RAP1GAP2: variants seen among roughly 807,000 people sequenced by gnomAD.
RAP1GAP2 encodes the protein rap1 GTPase-activating protein 2.
RAP1GAP2 carries 27 observed loss-of-function variants against 95.0 expected under a neutral mutation model. That is an observed-to-expected ratio of 0.28 (90% CI 0.21 to 0.39). RAP1GAP2 has a LOEUF of 0.39. Ranked by LOEUF, RAP1GAP2 falls within the 10% of genes least tolerant of loss-of-function variation. The pLI is 1.00. For synonymous variants in RAP1GAP2, 373 were observed against 380.9 expected, an observed-to-expected ratio of 0.98 and a Z score of 0.24; for missense variants, 771 against 970.0, an observed-to-expected ratio of 0.79 and a Z score of 2.72.
chr17:2,869,912 G>C (rs1230770536), intron 2 of RAP1GAP2, among the ~76,000 whole-genome samples: 1 of 152,172 alleles, frequency 6.6e-6, no homozygotes, highest in African/African-American at 2.4e-5. Flanking sequence ...ACGTGGCTCC[G>C]GGCCACGTGA....
intron 2 of RAP1GAP2, among the ~76,000 whole-genome samples, chr17:2,888,817 AT>A (rs58533003): frequency 0.77 from 100,810 of 130,486 alleles, 38,546 homozygotes; most frequent in Admixed American, 0.84. Flanking sequence ...CGCCCAGCTA[AT>A]TTTTTTTTTT....
intron 3 of RAP1GAP2, among the ~76,000 whole-genome samples, chr17:2,950,549 C>T (rs144755692): frequency 1.3e-5 from 2 of 151,842 alleles, no homozygotes; most frequent in Admixed American, 6.6e-5. Context: ...GCACTTCTTA[C>T]GCCTGTTCTC....
intron 11 of RAP1GAP2, 81 bp downstream of exon 11, chr17:2,985,147 G>C: frequency 3.8e-6 from 6 of 1,593,534 alleles, no homozygotes; most frequent in Non-Finnish European, 5.1e-6. Context: ...CAGAACACAG[G>C]AGTCCTGACC....
intron 3 of RAP1GAP2, among the ~76,000 whole-genome samples, chr17:2,918,610 AGGGAGG>A (rs2042650315): frequency 6.6e-6 from 1 of 151,974 alleles, no homozygotes; most frequent in Non-Finnish European, 1.5e-5. Flanking sequence ...CAAGAGAGCA[AGGGAGG>A]GTGCCACACA....
At position 2,965,900 on chromosome 17, in the gene RAP1GAP2, C is replaced by A. The variant is rs183497753; in HGVS notation, c.596+257C>A. On this transcript the variant is annotated intron_variant, in intron 8 of 24. Coordinates refer to ENST00000254695, the MANE Select transcript of RAP1GAP2 (RefSeq NM_015085.5). This position sits in a 1 kb window ranked among gnomAD's most constrained non-coding sequence, Gnocchi z 4.7. The stretch of plus-strand genomic sequence containing the variant: ...GTCACCCAGACTGTACCCCTTCCTG[C>A]CCCTCTTTCTTACAAGTCCATGGCT... 8 of 495,186 alleles carry A rather than the reference C, an allele frequency of 1.6e-5. No individual in the cohort carries two copies. Among genetic ancestry groups the A allele is most frequent in the Non-Finnish European group, 2.5e-5 (7 of 275,996 alleles). The allele number at this position is 495,186 out of a possible 1,614,324, so 30.7% of individuals were successfully genotyped here. A position where few individuals can be genotyped will look rare whatever the true frequency, so the allele number is the denominator to read the frequency against.
At chr17:2,887,599 T>C (rs949824062) in intron 2 of RAP1GAP2, among the ~76,000 whole-genome samples, 1 of 152,004 alleles carries the variant, frequency 6.6e-6, no homozygotes, top group South Asian at 2.1e-4. Flanking sequence ...GGTCTCGAAC[T>C]CCTGACCTAA....
At chr17:2,841,613 G>A (rs889196821) in intron 2 of RAP1GAP2, among the ~76,000 whole-genome samples, 7 of 152,010 alleles carry the variant, frequency 4.6e-5, no homozygotes, top group African/African-American at 7.2e-5. Context: ...GCCGATTTGG[G>A]GACATTTTAA....
At position 2,895,644 on chromosome 17, in the gene RAP1GAP2, T is replaced by TC. The variant is rs2041795548; in HGVS notation, c.81-9639dup. Among the ~76,000 whole-genome samples, 3 of 152,080 alleles carry TC rather than the reference T, an allele frequency of 2.0e-5. No homozygotes were observed. The South Asian group carries it at 6.2e-4, about 32-fold the overall frequency. On this transcript the variant is annotated intron_variant, in intron 2 of 24. Transcript: ENST00000254695. ...CAGGCTGGAGTGCAGTGGCGCGATC[T>TC]CGGCTTACTGCAACCTCCGCCTCCC...
chr17:2,944,274 CGCTAT>C (rs1356704280), intron 3 of RAP1GAP2, among the ~76,000 whole-genome samples: 1 of 151,836 alleles, frequency 6.6e-6, no homozygotes, highest in Non-Finnish European at 1.5e-5. Context: ...TTGGTGCAGC[CGCTAT>C]GGGAAACAGC....
intron 2 of RAP1GAP2, among the ~76,000 whole-genome samples, chr17:2,847,390 A>T (rs1440075592): frequency 1.3e-5 from 2 of 151,914 alleles, no homozygotes; most frequent in Admixed American, 6.6e-5. Flanking sequence ...ACTAACAGCA[A>T]GCAAGGAAGC....
At chr17:2,802,339 A>G (rs1249527183) in intron 2 of RAP1GAP2, among the ~76,000 whole-genome samples, 1 of 152,198 alleles carries the variant, frequency 6.6e-6, no homozygotes, top group Non-Finnish European at 1.5e-5. Context: ...CAAAAAGGTG[A>G]GGCTGGGCAG....
In RAP1GAP2 at chr17:2,888,952, G is replaced by A. The variant is rs1464426908; in HGVS notation, c.81-16332G>A. Reference sequence around the variant, plus strand: ...TGTAGGATTACAGGTGTGAGCCACCGTGCCTGGCCTATACCACCTTTTCTT... The same window carrying A: ...TGTAGGATTACAGGTGTGAGCCACCATGCCTGGCCTATACCACCTTTTCTT... On this transcript the variant is annotated intron_variant, in intron 2 of 24. Transcript: ENST00000254695. 2.6e-5 allele frequency among the ~76,000 whole-genome samples: 4 copies of A among 151,784 alleles called. No homozygotes were observed. In the East Asian group the frequency reaches 5.8e-4, roughly 22 times the overall value.
intron 1 of RAP1GAP2, among the ~76,000 whole-genome samples, chr17:2,759,721 G>A (rs1000962923): frequency 5.9e-5 from 9 of 152,144 alleles, no homozygotes; most frequent in African/African-American, 2.2e-4. Flanking sequence ...AAAATGCTGG[G>A]ATTACAGGCA....
chr17:2,921,766 G>T (rs1204556875), intron 3 of RAP1GAP2, among the ~76,000 whole-genome samples: 7 of 117,392 alleles, frequency 6.0e-5, no homozygotes, highest in African/African-American at 2.0e-4. Context: ...TAAGGTGTCC[G>T]CAGGGCCATG....
chr17:2,962,637 T>G, intron 4 of RAP1GAP2, 33 bp from the exon 5 acceptor site: 2 of 1,561,644 alleles, frequency 1.3e-6, no homozygotes, highest in South Asian at 2.4e-5. Context: ...GACCTTTGCT[T>G]TTCTGTGGAT....
intron 16 of RAP1GAP2, among the ~76,000 whole-genome samples, chr17:3,006,360 C>T (rs2046334377): frequency 6.6e-6 from 1 of 151,348 alleles, no homozygotes; most frequent in South Asian, 2.1e-4. Context: ...GAACTCCTGA[C>T]CTCAGGTGAT....
intron 2 of RAP1GAP2, among the ~76,000 whole-genome samples, chr17:2,821,918 C>G (rs1489299767): frequency 6.6e-6 from 1 of 152,124 alleles, no homozygotes; most frequent in African/African-American, 2.4e-5. Flanking sequence ...CCCAGAGAGT[C>G]TATGCTGTCT....
intron 2 of RAP1GAP2, among the ~76,000 whole-genome samples, chr17:2,818,418 G>T (rs1308281691): frequency 6.6e-6 from 1 of 150,908 alleles, no homozygotes; most frequent in African/African-American, 2.4e-5. Flanking sequence ...TCCGCCTCCC[G>T]GTTCAAGTAA....
At chr17:2,908,024 C>T (rs1371522472) in intron 3 of RAP1GAP2, among the ~76,000 whole-genome samples, 1 of 152,062 alleles carries the variant, frequency 6.6e-6, no homozygotes. Flanking sequence ...CCAGGCTGGT[C>T]TCGAACTCCT....
Sources: gnomAD v4.1 joint callset for allele counts (sites outside exome capture counted in the v4.1 genomes callset) on GRCh38, gnomAD v4.1.1 for gene constraint, Gnocchi (gnomAD v3.1) non-coding constraint, MANE v1.5 for transcripts, NCBI Gene and HGNC (gene_info 2026-07-23, HGNC 2026-07-21) for gene names.